Variants in PRRC2C observed in about 807,000 individuals in gnomAD.
PRRC2C encodes the protein proline rich coiled-coil 2C.
A neutral mutation model predicts 317.2 loss-of-function variants in PRRC2C; 72 were observed. The ratio of observed to expected loss-of-function variants is 0.23; its 90% CI spans 0.19 to 0.28. The LOEUF is 0.28. Among genes scored for constraint, PRRC2C ranks in the 10% least tolerant of loss-of-function variants. The probability of loss-of-function intolerance (pLI) is 1.00; values close to 1 mark genes in which losing one functional copy is unlikely to be tolerated. For synonymous variants in PRRC2C, 1,296 were observed against 1,205.9 expected (o/e 1.07, Z -1.55); for missense variants, 3,074 against 3,459.7 (o/e 0.89, Z 2.80).
At chr1:171,559,034 A>G (rs763092955) in intron 19 of PRRC2C, among the ~76,000 whole-genome samples, 4 of 152,224 alleles carry the variant, frequency 2.6e-5, no homozygotes, top group African/African-American at 2.4e-5. Flanking sequence ...CAAGTGTTCT[A>G]TCTCTATTCA....
chr1:171,524,706 A>T, intron 9 of PRRC2C, 115 bp from the exon 10 acceptor site: 3 of 1,085,958 alleles, frequency 2.8e-6, no homozygotes, highest in Non-Finnish European at 3.8e-6. Flanking sequence ...CTCATTCCTT[A>T]ATACATTTCC....
At chr1:171,551,165 T>A (rs1270204299) in intron 18 of PRRC2C, among the ~76,000 whole-genome samples, 1 of 152,242 alleles carries the variant, frequency 6.6e-6, no homozygotes, top group Admixed American at 6.5e-5. Flanking sequence ...CCATTCTAAC[T>A]GGTGTGAGAT....
Position 171,574,560 on chromosome 1 carries a change from A to G in PRRC2C, c.6754-367A>G, listed in dbSNP as rs542176214. Among the ~76,000 whole-genome samples, 7 of 152,378 alleles carry G rather than the reference A, an allele frequency of 4.6e-5. No homozygotes were observed. The South Asian group carries it at 1.2e-3, about 27-fold the overall frequency. On this transcript the variant is annotated intron_variant, in intron 24 of 34. Coordinates refer to ENST00000647382, the MANE Select transcript of PRRC2C (RefSeq NM_001387844.1). ...CCTTGCCTTTTAAAACACTGTGAGC[A>G]TGAAGCAGCCAACCAAAAGATGCCT...
rs1677711746 is a variant in PRRC2C, at chr1:171,540,212, G to C, written c.2746G>C (p.Ala916Pro). 1.9e-6 allele frequency: 3 copies of C among 1,613,780 alleles called. No homozygotes were observed. Among genetic ancestry groups the C allele is most frequent in the Non-Finnish European group, 2.5e-6 (3 of 1,179,874 alleles). ...CGCTCCTCAAGAGGAGCGGATTTCA[G>C]CTGTAGAAAGTCAGCCTTCCCGGAA... The part of the protein sequence containing the change: ...LSAPQEERIS[A>P]VESQPSRKRS... The change falls in exon 16 of 35, where the codon GCT becomes CCT. Residue 916 changes from alanine (A) to proline (P), a missense_variant. Ala to Pro is a conservative substitution (Grantham distance 27). Transcript: ENST00000647382.
In PRRC2C at chr1:171,561,093, C is replaced by A; in HGVS notation, c.6107C>A (p.Pro2036His). ...NKPLTSFGSA[P>H]SSEGAKNGQE... ...CCCTTAACATCGTTTGGATCAGCTC[C>A]TTCATCAGAGGTAAGAATAGGCTTT... The change falls in exon 20 of 35, where the codon CCT becomes CAT. Residue 2036 changes from proline (P) to histidine (H), a missense_variant. Pro to His is a moderately conservative substitution (Grantham distance 77). This residue lies in a region of PRRC2C where 640 missense variants were observed against 676.1 expected (regional missense o/e 0.95). Transcript: ENST00000647382. 6.3e-7 allele frequency: 1 copy of A among 1,595,668 alleles called. No homozygotes were observed. The highest frequency in any genetic ancestry group is 8.6e-7 in the Non-Finnish European group (1 of 1,163,292).
rs60053076 is a variant in PRRC2C, at chr1:171,528,286, A to ATT, written c.1254+462_1254+463dup. On this transcript the variant is annotated intron_variant, in intron 11 of 34. Transcript: ENST00000647382. ...TATTTCTCTGTTCTCCATCAGTGAA[A>ATT]TTTTTTTTTTTTTTTTTTTTTAGAC... 4.3e-3 allele frequency among the ~76,000 whole-genome samples: 581 copies of ATT among 135,754 alleles called. 10 individuals are homozygous for ATT. In the South Asian group the frequency reaches 0.046, roughly 11 times the overall value. The allele number at this position is 135,754 out of a possible 152,430, so 89.1% of individuals were successfully genotyped here.
rs1416467247 is a variant in PRRC2C at position 171,540,957 on chromosome 1, A to T, written c.3491A>T (p.Glu1164Val). 1 of 1,613,880 alleles carries T rather than the reference A, an allele frequency of 6.2e-7. No homozygotes were observed. Among genetic ancestry groups the T allele is most frequent in the Non-Finnish European group, 8.5e-7 (1 of 1,179,894 alleles). ...GATTCAAGACCAGCAGTTAAAAAAG[A>T]ATCAACTTTGCCTCCCAGGACCTAT... ...RPDSRPAVKK[E>V]STLPPRTYWK... The change falls in exon 16 of 35, where the codon GAA (glutamate) becomes GTA (valine). Residue 1164 changes from glutamate to valine, a missense_variant. Glu to Val is a moderately radical substitution (Grantham distance 121). This residue lies in a region of PRRC2C where 1,320 missense variants were observed against 1,395.7 expected (regional missense o/e 0.95). Coordinates refer to ENST00000647382, the MANE Select transcript of PRRC2C (RefSeq NM_001387844.1).
chr1:171,564,774 CGA>C (rs1399712869), intron 20 of PRRC2C, among the ~76,000 whole-genome samples: 1 of 152,076 alleles, frequency 6.6e-6, no homozygotes, highest in Non-Finnish European at 1.5e-5. Flanking sequence ...AGTAAAAATA[CGA>C]TATTATAATT....
chr1:171,514,780 GT>G (rs56660003), intron 4 of PRRC2C, 135 bp downstream of exon 4: 9 of 768,164 alleles, frequency 1.2e-5, no homozygotes, highest in Non-Finnish European at 1.8e-5. Context: ...TCTTAAAAAG[GT>G]TTTTTAAAAA....
At chr1:171,548,660 T>A (rs2102561727) in intron 17 of PRRC2C, among the ~76,000 whole-genome samples, 1 of 152,292 alleles carries the variant, frequency 6.6e-6, no homozygotes, top group African/African-American at 2.4e-5. Flanking sequence ...TTGGAAATAT[T>A]ATTTGATGGA....
intron 1 of PRRC2C, among the ~76,000 whole-genome samples, chr1:171,486,363 C>T (rs550534756): frequency 6.6e-6 from 1 of 152,012 alleles, no homozygotes; most frequent in Non-Finnish European, 1.5e-5. Context: ...ACACTCTAGG[C>T]CGCTCCATCC....
chr1:171,576,604 T>C (rs1053134131), intron 25 of PRRC2C, among the ~76,000 whole-genome samples: 6 of 152,214 alleles, frequency 3.9e-5, no homozygotes, highest in Non-Finnish European at 7.3e-5. Context: ...AAGTAGTTTA[T>C]TTAATTTGTT....
At position 171,579,406 on chromosome 1, in the gene PRRC2C, T is replaced by C. The variant is rs570701473; in HGVS notation, c.7212T>C (p.His2404=). 16 of 1,613,968 alleles carry C rather than the reference T, an allele frequency of 9.9e-6. No individual in the cohort carries two copies. Among genetic ancestry groups the C allele is most frequent in the Non-Finnish European group, 1.3e-5 (15 of 1,179,882 alleles). ...MDTSHLFNTQ[H]ARLAPPSLAQ... ...CAAGTCATTTATTCAATACCCAACA[T>C]GCACGATTGGCTCCGCCATCCTTGG... Residue 2404 remains histidine, a synonymous_variant, in exon 27 of 35, where the codon CAT becomes CAC. Transcript: ENST00000647382.
At chr1:171,496,774 CGTGT>C (rs71688813) in intron 1 of PRRC2C, among the ~76,000 whole-genome samples, 24,823 of 146,730 alleles carry the variant, frequency 0.17, 2,396 homozygotes, top group East Asian at 0.47. Flanking sequence ...ACATTTGGGG[CGTGT>C]GTGTGTGTGT....
rs1681650362 is a variant in PRRC2C, at chr1:171,557,379, T to C, written c.5267T>C (p.Leu1756Pro). The change falls in exon 19 of 35, where the codon CTT (leucine) becomes CCT (proline). Residue 1756 changes from leucine to proline, a missense_variant. Transcript: ENST00000647382. ...ASVPPLASAPLPPSTSASVPA... is the reference protein window; with the variant it reads ...ASVPPLASAPPPPSTSASVPA... ...GTTCCACCTCTAGCTTCGGCTCCAC[T>C]TCCACCTTCAACCTCAGCTTCAGTT... is the stretch of plus-strand genomic sequence containing the variant. 6.4e-7 allele frequency: 1 copy of C among 1,551,742 alleles called. No homozygotes were observed. The highest frequency in any genetic ancestry group is 8.7e-7 in the Non-Finnish European group (1 of 1,147,014).
intron 26 of PRRC2C, among the ~76,000 whole-genome samples, chr1:171,578,295 A>G (rs1015855237): frequency 1.3e-5 from 2 of 152,056 alleles, no homozygotes; most frequent in South Asian, 2.1e-4. Flanking sequence ...GCTCATACCT[A>G]TAATCCCAGC....
intron 28 of PRRC2C, among the ~76,000 whole-genome samples, chr1:171,583,456 CACAT>C (rs1649166108): frequency 1.3e-5 from 2 of 152,156 alleles, no homozygotes; most frequent in Admixed American, 6.5e-5. Context: ...GGGGCAGTAA[CACAT>C]ACAGAGCTGT....
chr1:171,566,690 G>A lies in PRRC2C; in HGVS notation c.6405G>A (p.Gln2135=), dbSNP rs774505237. Residue 2135 remains glutamine (Q), a synonymous_variant, in exon 22 of 35, where the codon CAG becomes CAA. Transcript: ENST00000647382. ...ATAGAAAAGTAAAAGATGCCCAACA[G>A]GTGGAGCCAGAAGGACAAGAGAAAC... ...LKNRKVKDAQ[Q]VEPEGQEKPS... 6 of 1,613,178 alleles carry A rather than the reference G, an allele frequency of 3.7e-6. No homozygotes were observed. In the Admixed American group the frequency reaches 1.0e-4, roughly 27 times the overall value.
At chr1:171,550,659 G>T (rs923642557) in intron 18 of PRRC2C, among the ~76,000 whole-genome samples, 5 of 130,986 alleles carry the variant, frequency 3.8e-5, no homozygotes, top group African/African-American at 1.5e-4. Flanking sequence ...GATGTTCCCT[G>T]CCCTGTGTGC....
Sources: gnomAD v4.1 joint callset for allele counts (sites outside exome capture counted in the v4.1 genomes callset) on GRCh38, gnomAD v4.1.1 for gene constraint, gnomAD v4.1.1 regional missense constraint, MANE v1.5 for transcripts, NCBI Gene and HGNC (gene_info 2026-07-23, HGNC 2026-07-21) for gene names.